SDK1: variants seen among roughly 807,000 people sequenced by gnomAD.
SDK1 encodes protein sidekick-1.
A neutral mutation model predicts 245.5 loss-of-function variants in SDK1; 157 were observed. The observed-to-expected ratio is 0.64, with a 90% CI of 0.56 to 0.73. The LOEUF (loss-of-function observed/expected upper bound fraction) is 0.73. SDK1 is among the 30% of genes least tolerant of loss of function. The pLI, the probability that SDK1 is intolerant of heterozygous loss-of-function variation, is 0.00. For missense variants in SDK1, 3,583 were observed against 3,002.3 expected (o/e 1.19, Z -4.52); for synonymous variants, 1,647 against 1,278.5 (o/e 1.29, Z -6.15).
chr7:3,439,092 A>C (rs186911069), intron 1 of SDK1, among the ~76,000 whole-genome samples: 1 of 152,108 alleles, frequency 6.6e-6, no homozygotes, highest in East Asian at 1.9e-4. Flanking sequence ...ACCTCTCGTG[A>C]TCAGCCTGCC....
Position 4,128,129 on chromosome 7 carries a change from C to G in SDK1, c.3939+633C>G, listed in dbSNP as rs559069951. Among the ~76,000 whole-genome samples, 773 of 152,304 alleles carry G rather than the reference C, an allele frequency of 5.1e-3. 7 individuals carry two copies. Among genetic ancestry groups the G allele is most frequent in the African/African-American group, 0.017 (693 of 41,586 alleles). ...ACTCGGGGCGACAGGCTCTGTCTCC[C>G]CATCTGCTCCTTGGCTCAGCAATGC... On this transcript the variant is annotated intron_variant, in intron 26 of 44. Coordinates refer to ENST00000404826, the MANE Select transcript of SDK1 (RefSeq NM_152744.4).
intron 1 of SDK1, among the ~76,000 whole-genome samples, chr7:3,506,969 G>A (rs571236611): frequency 3.3e-5 from 5 of 152,116 alleles, no homozygotes; most frequent in Admixed American, 2.6e-4. Context: ...TTCCTTTAGA[G>A]GGTATTTGTT....
At chr7:3,907,998 T>C (rs912430198) in intron 5 of SDK1, among the ~76,000 whole-genome samples, 3 of 152,198 alleles carry the variant, frequency 2.0e-5, no homozygotes, top group African/African-American at 7.2e-5. Flanking sequence ...GGGGTGATAC[T>C]GAACCAATAC....
rs184813295 is a variant in SDK1 at position 3,479,283 on chromosome 7, C to G, written c.299-139797C>G. On this transcript the variant is annotated intron_variant, in intron 1 of 44. Transcript: ENST00000404826. ...CCAAAAACATAAAAATTAGCCAGGC[C>G]TGGTGGTGTGTGCCTGTAGTCCCAG... Among the ~76,000 whole-genome samples, 846 of 151,292 alleles carry G rather than the reference C, an allele frequency of 5.6e-3. 5 individuals are homozygous for G. Among genetic ancestry groups the G allele is most frequent in the Admixed American group, 8.3e-3 (126 of 15,208 alleles).
intron 14 of SDK1, among the ~76,000 whole-genome samples, chr7:4,006,940 G>T (rs1423477559): frequency 6.6e-6 from 1 of 152,224 alleles, no homozygotes; most frequent in African/African-American, 2.4e-5. Context: ...GGCGTCTCCA[G>T]GCTTGCTCTG....
intron 1 of SDK1, among the ~76,000 whole-genome samples, chr7:3,458,020 C>T (rs986889988): frequency 6.6e-6 from 1 of 152,170 alleles, no homozygotes; most frequent in East Asian, 1.9e-4. Context: ...TGCCCTTTGC[C>T]TTATAGCCTC....
rs146256906 is a variant in SDK1 at position 3,399,803 on chromosome 7, G to T, written c.298+97919G>T. On this transcript the variant is annotated intron_variant, in intron 1 of 44. Coordinates refer to ENST00000404826, the MANE Select transcript of SDK1 (RefSeq NM_152744.4). ...TCTTTCCTCGGCTTGTATATGGCCCGGTACATGTGTGTGGAGTTCCAGATA... is the reference window on the plus strand; with the variant it reads ...TCTTTCCTCGGCTTGTATATGGCCCTGTACATGTGTGTGGAGTTCCAGATA... Among the ~76,000 whole-genome samples the T allele has an allele frequency of 4.8e-4, 73 of 152,044 alleles. 1 individual carries two copies. The highest frequency in any genetic ancestry group is 1.8e-3 in the African/African-American group (73 of 41,470).
chr7:3,618,728 G>A (rs2128644565), intron 1 of SDK1, among the ~76,000 whole-genome samples: 1 of 152,286 alleles, frequency 6.6e-6, no homozygotes, highest in East Asian at 1.9e-4. Context: ...GCATACACTT[G>A]ACTGTTTTCT....
chr7:3,446,888 G>A (rs1270514688), intron 1 of SDK1, among the ~76,000 whole-genome samples: 2 of 152,036 alleles, frequency 1.3e-5, no homozygotes, highest in Non-Finnish European at 2.9e-5. Context: ...TTTTTCAGTT[G>A]TTGCCTGGTT....
intron 11 of SDK1, among the ~76,000 whole-genome samples, chr7:3,970,221 G>A (rs577312656): frequency 6.6e-6 from 1 of 152,180 alleles, no homozygotes; most frequent in Non-Finnish European, 1.5e-5. Context: ...ACTTGCTTGA[G>A]GGAGTAATTT....
chr7:3,552,007 C>G (rs998018915), intron 1 of SDK1, among the ~76,000 whole-genome samples: 1 of 151,950 alleles, frequency 6.6e-6, no homozygotes, highest in Non-Finnish European at 1.5e-5. Context: ...TGTGATACAA[C>G]TCCTAAACAT....
At chr7:3,992,016 G>A (rs1197127440) in intron 14 of SDK1, among the ~76,000 whole-genome samples, 1 of 152,236 alleles carries the variant, frequency 6.6e-6, no homozygotes, top group East Asian at 1.9e-4. Flanking sequence ...CAAGTGGTCA[G>A]CACTAAATAG....
At chr7:3,852,592 C>CA (rs998985145) in intron 5 of SDK1, among the ~76,000 whole-genome samples, 9 of 148,520 alleles carry the variant, frequency 6.1e-5, no homozygotes, top group Admixed American at 4.0e-4. Flanking sequence ...CTAAAAAATA[C>CA]AAAAAAAAAT....
At chr7:3,577,422 C>T (rs998866772) in intron 1 of SDK1, among the ~76,000 whole-genome samples, 5 of 152,020 alleles carry the variant, frequency 3.3e-5, no homozygotes, top group African/African-American at 1.2e-4. Context: ...TGCAGGTCTT[C>T]ACTGAGACGT....
chr7:4,115,493 T>C (rs1783644457), intron 25 of SDK1, among the ~76,000 whole-genome samples: 1 of 152,220 alleles, frequency 6.6e-6, no homozygotes, highest in Admixed American at 6.5e-5. Context: ...TTCGCTCTCT[T>C]TTGCTTCTCT....
chr7:3,462,226 A>G (rs183892971), intron 1 of SDK1, among the ~76,000 whole-genome samples: 4 of 152,232 alleles, frequency 2.6e-5, no homozygotes, highest in Non-Finnish European at 5.9e-5. Context: ...AGCATTCTTC[A>G]CCGCTTGCCG....
chr7:3,946,444 A>C (rs1185602722), intron 5 of SDK1, among the ~76,000 whole-genome samples: 2 of 152,084 alleles, frequency 1.3e-5, no homozygotes, highest in Non-Finnish European at 2.9e-5. Flanking sequence ...CGTCCTGAGT[A>C]GCTGGGACTA....
chr7:4,056,371 C>T (rs573530449), intron 19 of SDK1, among the ~76,000 whole-genome samples: 8 of 152,180 alleles, frequency 5.3e-5, no homozygotes, highest in Non-Finnish European at 8.8e-5. Context: ...ACCACAGTCA[C>T]CTGGTACTGG....
chr7:4,008,399 C>A (rs932902889), intron 14 of SDK1, among the ~76,000 whole-genome samples: 1 of 152,260 alleles, frequency 6.6e-6, no homozygotes, highest in African/African-American at 2.4e-5. Context: ...AGGGGTGCCT[C>A]CTTGGCCAGT....
Sources: allele counts gnomAD v4.1 joint callset (sites outside exome capture counted in the v4.1 genomes callset), GRCh38; gene constraint gnomAD v4.1.1; transcripts MANE v1.5; gene names NCBI Gene and HGNC (gene_info 2026-07-23, HGNC 2026-07-21).